The following RASSF9 variants were observed in gnomAD, a reference collection of about 807,000 sequenced individuals.
RASSF9 encodes Ras association domain family member 9.
RASSF9 carries 18 observed loss-of-function variants against 21.4 expected under a neutral mutation model. The ratio of observed to expected loss-of-function variants is 0.84; its 90% CI spans 0.58 to 1.25. The LOEUF (loss-of-function observed/expected upper bound fraction) is 1.25. Ranked by LOEUF, RASSF9 falls within the 50% of genes most tolerant of loss-of-function variation. The pLI is 0.00. For missense variants in RASSF9, 480 were observed against 503.2 expected (o/e 0.95, Z 0.44); for synonymous variants, 183 against 179.1 (o/e 1.02, Z -0.18).
intron 1 of RASSF9, among the ~76,000 whole-genome samples, chr12:85,827,584 A>T (rs1293753913): frequency 1.3e-5 from 2 of 152,178 alleles, no homozygotes; most frequent in East Asian, 3.8e-4. Context: ...TATCTAAATA[A>T]TCATACTCCA....
chr12:85,815,795 G>GT (rs1361016800), intron 1 of RASSF9, among the ~76,000 whole-genome samples: 4 of 151,726 alleles, frequency 2.6e-5, no homozygotes, highest in African/African-American at 9.7e-5. Context: ...GGATTGTTTG[G>GT]TTTTTTTCTT....
chr12:85,816,344 A>G (rs1468241244), intron 1 of RASSF9, among the ~76,000 whole-genome samples: 1 of 151,942 alleles, frequency 6.6e-6, no homozygotes, highest in East Asian at 1.9e-4. Context: ...CTAATATTCT[A>G]CATTTTATCA....
intron 1 of RASSF9, among the ~76,000 whole-genome samples, chr12:85,831,068 A>T (rs1055296356): frequency 6.6e-6 from 1 of 152,068 alleles, no homozygotes; most frequent in African/African-American, 2.4e-5. Flanking sequence ...TAGAAAGCTG[A>T]TATGTAAGAG....
Position 85,812,572 on chromosome 12 carries a change from T to A in RASSF9, c.48-6610A>T, listed in dbSNP as rs143114513. On this transcript the variant is annotated intron_variant, in intron 1 of 1. Coordinates refer to ENST00000361228, the MANE Select transcript of RASSF9 (RefSeq NM_005447.4). Reference sequence around the variant, plus strand: ...TATCTTAGTTTTTACTATCAGATTTTAAAAATTTAGCTAAATCTTTTTTTC... The same window carrying A: ...TATCTTAGTTTTTACTATCAGATTTAAAAAATTTAGCTAAATCTTTTTTTC... 5.1e-3 allele frequency among the ~76,000 whole-genome samples: 774 copies of A among 151,454 alleles called. 4 individuals carry two copies. Among genetic ancestry groups the A allele is most frequent in the African/African-American group, 0.018 (746 of 41,526 alleles).
intron 1 of RASSF9, among the ~76,000 whole-genome samples, chr12:85,819,245 C>G (rs1041860528): frequency 6.6e-6 from 1 of 151,368 alleles, no homozygotes; most frequent in Non-Finnish European, 1.5e-5. Context: ...CAGGGTCTCA[C>G]TATGTTGCTG....
intron 1 of RASSF9, among the ~76,000 whole-genome samples, chr12:85,831,960 CAAT>C: frequency 6.6e-6 from 1 of 151,902 alleles, no homozygotes; most frequent in African/African-American, 2.4e-5. Flanking sequence ...AATTATAAAA[CAAT>C]AAAGCTATAA....
chr12:85,819,051 A>G (rs1370325177), intron 1 of RASSF9, among the ~76,000 whole-genome samples: 1 of 151,950 alleles, frequency 6.6e-6, no homozygotes, highest in African/African-American at 2.4e-5. Context: ...CGTTCAATTC[A>G]GATTTCTAAA....
intron 1 of RASSF9, among the ~76,000 whole-genome samples, chr12:85,829,404 T>C (rs1880401547): frequency 6.6e-6 from 1 of 152,160 alleles, no homozygotes; most frequent in South Asian, 2.1e-4. Context: ...TCAACTGCCA[T>C]TGACTTTCAA....
rs936916831 is a variant in RASSF9 at position 85,815,963 on chromosome 12, T to C, written c.48-10001A>G. Among the ~76,000 whole-genome samples, 4 of 152,240 alleles carry C rather than the reference T, an allele frequency of 2.6e-5. 1 individual carries two copies. The highest frequency in any genetic ancestry group is 4.8e-5 in the African/African-American group (2 of 41,544). ...AAGAAAATGTGGTTCATATACACCA[T>C]GGAATACTATGCAGCTATAAAAGAA... is the stretch of plus-strand genomic sequence containing the variant. On this transcript the variant is annotated intron_variant, in intron 1 of 1. Transcript: ENST00000361228.
At chr12:85,812,293 A>G (rs1427780629) in intron 1 of RASSF9, among the ~76,000 whole-genome samples, 1 of 151,556 alleles carries the variant, frequency 6.6e-6, no homozygotes, top group Non-Finnish European at 1.5e-5. Flanking sequence ...AATATTAAAT[A>G]TATCCTAAGG....
intron 1 of RASSF9, among the ~76,000 whole-genome samples, chr12:85,819,992 TAAGTC>T (rs1163998538): frequency 1.3e-5 from 2 of 152,216 alleles, no homozygotes; most frequent in African/African-American, 4.8e-5. Flanking sequence ...AAATAGGTGA[TAAGTC>T]AATGTTTTGA....
At chr12:85,820,672 T>C (rs1880186706) in intron 1 of RASSF9, among the ~76,000 whole-genome samples, 2 of 152,224 alleles carry the variant, frequency 1.3e-5, no homozygotes, top group African/African-American at 4.8e-5. Context: ...ACTGCATATA[T>C]TCTATTAAAA....
chr12:85,805,575 T>G lies in RASSF9; in HGVS notation c.435A>C (p.Pro145=), dbSNP rs1197783844. The G allele has an allele frequency of 1.1e-5, 17 of 1,613,936 alleles. No individual in the cohort carries two copies. The highest frequency in any genetic ancestry group is 1.4e-5 in the Non-Finnish European group (16 of 1,179,882). Residue 145 remains proline, a synonymous_variant, in exon 2 of 2, where the codon CCA becomes CCC. Coordinates refer to ENST00000361228, the MANE Select transcript of RASSF9 (RefSeq NM_005447.4). ...QNTEKLWELS[P]ANYMKTLPPD... ...GTGGTAAAGTCTTCATGTAGTTTGC[T>G]GGGCTGAGCTCCCACAATTTTTCTG...
At chr12:85,818,726 C>T (rs1880134677) in intron 1 of RASSF9, among the ~76,000 whole-genome samples, 1 of 151,480 alleles carries the variant, frequency 6.6e-6, no homozygotes. Context: ...TTCGGGATGC[C>T]GAGGCGGGCG....
intron 1 of RASSF9, among the ~76,000 whole-genome samples, chr12:85,822,344 C>A (rs768836991): frequency 6.6e-6 from 1 of 152,156 alleles, no homozygotes; most frequent in Non-Finnish European, 1.5e-5. Flanking sequence ...AGTTGGATAG[C>A]TGAAAACATG....
chr12:85,824,620 T>G (rs1407458248), intron 1 of RASSF9, among the ~76,000 whole-genome samples: 1 of 152,136 alleles, frequency 6.6e-6, no homozygotes, highest in Non-Finnish European at 1.5e-5. Flanking sequence ...CTGTCTCTCT[T>G]TATCCCACTA....
rs1592524509 is a variant in RASSF9 at position 85,802,162 on chromosome 12, C to G, written c.*2540G>C. ...CTGCATATAGCAATTTCATAGTTAA[C>G]CTGTCAGATTACTCAAGAATTTATA... is the stretch of plus-strand genomic sequence containing the variant. On this transcript the variant is annotated 3_prime_UTR_variant, in exon 2 of 2. Coordinates refer to ENST00000361228, the MANE Select transcript of RASSF9 (RefSeq NM_005447.4). The G allele has an allele frequency of 6.6e-6, 1 of 152,130 alleles. No individual in the cohort carries two copies. Among genetic ancestry groups the G allele is most frequent in the East Asian group, 1.9e-4 (1 of 5,200 alleles). The allele number at this position is 152,130 out of a possible 1,614,324, so 9.4% of individuals were successfully genotyped here.
At chr12:85,834,284 C>T (rs945966463) in intron 1 of RASSF9, among the ~76,000 whole-genome samples, 1 of 151,992 alleles carries the variant, frequency 6.6e-6, no homozygotes, top group Non-Finnish European at 1.5e-5. Context: ...AAAACACTTG[C>T]GTTTATAACA....
At chr12:85,834,920 A>G (rs1592536239) in intron 1 of RASSF9, among the ~76,000 whole-genome samples, 1 of 152,106 alleles carries the variant, frequency 6.6e-6, no homozygotes, top group African/African-American at 2.4e-5. Context: ...TTTAATTACC[A>G]TAAATAGCAT....
Sources: gnomAD v4.1 joint callset for allele counts (sites outside exome capture counted in the v4.1 genomes callset) on GRCh38, gnomAD v4.1.1 for gene constraint, MANE v1.5 for transcripts, NCBI Gene and HGNC (gene_info 2026-07-23, HGNC 2026-07-21) for gene names.